PCDH15: variants seen among roughly 807,000 people sequenced by gnomAD.
The protein encoded by PCDH15 is protocadherin related 15.
A neutral mutation model predicts 178.5 loss-of-function variants in PCDH15; 129 were observed. That is an observed-to-expected ratio of 0.72 (90% CI 0.63 to 0.84). PCDH15 has a LOEUF of 0.84. Ranked by LOEUF, PCDH15 falls within the 40% of genes least tolerant of loss-of-function variation. PCDH15 has a pLI of 0.00. For synonymous variants in PCDH15, 800 were observed against 732.0 expected (o/e 1.09, Z -1.50); for missense variants, 2,230 against 2,099.9 (o/e 1.06, Z -1.21).
intron 1 of PCDH15, among the ~76,000 whole-genome samples, chr10:55,235,077 G>A (rs1369826584): frequency 8.7e-5 from 11 of 126,300 alleles, no homozygotes; most frequent in African/African-American, 1.2e-4. Context: ...GTTTTAAGTC[G>A]GAAAGAAGTG....
At chr10:54,247,935 A>AATATATATATAT (rs147562225) in intron 8 of PCDH15, among the ~76,000 whole-genome samples, 39 of 139,396 alleles carry the variant, frequency 2.8e-4, no homozygotes, top group African/African-American at 9.2e-4. Flanking sequence ...TGCATGAAAG[A>AATATATATATAT]ATATATATAT....
At chr10:54,817,952 C>T (rs978507475) in intron 3 of PCDH15, among the ~76,000 whole-genome samples, 1 of 151,876 alleles carries the variant, frequency 6.6e-6, no homozygotes, top group African/African-American at 2.4e-5. Context: ...GCCTAAATAC[C>T]TCAGAGGGCA....
chr10:55,429,328 A>G (rs901410850), intron 2 of PCDH15, among the ~76,000 whole-genome samples: 8 of 152,100 alleles, frequency 5.3e-5, no homozygotes, highest in African/African-American at 1.9e-4. Flanking sequence ...TGTTTTTGAA[A>G]GATATTTTTG....
At chr10:54,267,631 G>A (rs912930646) in intron 8 of PCDH15, among the ~76,000 whole-genome samples, 5 of 151,710 alleles carry the variant, frequency 3.3e-5, no homozygotes, top group African/African-American at 1.2e-4. Flanking sequence ...ACAATGCAAT[G>A]TTCAAACTGA....
chr10:54,099,577 G>C (rs1187476835), intron 15 of PCDH15, among the ~76,000 whole-genome samples: 1 of 140,406 alleles, frequency 7.1e-6, no homozygotes, highest in African/African-American at 2.7e-5. Context: ...AGTTATCAAA[G>C]ATCAATTGTC....
intron 9 of PCDH15, among the ~76,000 whole-genome samples, chr10:54,234,177 C>T (rs1186163330): frequency 3.0e-5 from 3 of 99,672 alleles, no homozygotes; most frequent in Non-Finnish European, 4.4e-5. Context: ...TGTGTGTGTG[C>T]TGTGTCTGGT....
At chr10:55,608,977 G>A (rs927643863) in intron 2 of PCDH15, among the ~76,000 whole-genome samples, 1 of 151,100 alleles carries the variant, frequency 6.6e-6, no homozygotes, top group Admixed American at 6.6e-5. Flanking sequence ...ATCCAAAAGC[G>A]ATTGTCTATG....
At chr10:54,538,755 C>T (rs984448855) in intron 2 of PCDH15, among the ~76,000 whole-genome samples, 9 of 152,162 alleles carry the variant, frequency 5.9e-5, no homozygotes, top group African/African-American at 2.2e-4. Context: ...TCATTCTCTT[C>T]CTCCTACTTT....
intron 2 of PCDH15, among the ~76,000 whole-genome samples, chr10:54,944,127 C>A (rs1838131274): frequency 6.6e-6 from 1 of 151,888 alleles, no homozygotes; most frequent in South Asian, 2.1e-4. Context: ...AAGTGGGTGG[C>A]TGACAACAAA....
chr10:54,598,261 A>G lies in PCDH15; in HGVS notation c.91+65911T>C, dbSNP rs140654436. On this transcript the variant is annotated intron_variant, in intron 2 of 37. Coordinates refer to ENST00000644397, the MANE Select transcript of PCDH15 (RefSeq NM_001384140.1). ...ATACTACCCAGCTGAATCCAGCACT[A>G]TATCACGAATCCACCACAATCAATA... 3.1e-3 allele frequency among the ~76,000 whole-genome samples: 466 copies of G among 152,212 alleles called. 4 individuals carry two copies. The highest frequency in any genetic ancestry group is 0.011 in the African/African-American group (441 of 41,570).
Position 54,954,450 on chromosome 10 carries a change from T to G in PCDH15, c.-79-56950A>C, listed in dbSNP as rs184073956. 9.2e-5 allele frequency among the ~76,000 whole-genome samples: 14 copies of G among 151,428 alleles called. No homozygotes were observed. The East Asian group carries it at 2.5e-3, about 27-fold the overall frequency. On this transcript the variant is annotated intron_variant, in intron 2 of 5. Transcript: ENST00000458638. ...ATGTAATTTTCTCGTATTCCCTTCTTACGCTCTTCTTAAAAGATTGTCTTG... is the reference window on the plus strand; with the variant it reads ...ATGTAATTTTCTCGTATTCCCTTCTGACGCTCTTCTTAAAAGATTGTCTTG...
intron 3 of PCDH15, among the ~76,000 whole-genome samples, chr10:54,449,361 A>C (rs1409924441): frequency 2.0e-5 from 3 of 151,826 alleles, no homozygotes; most frequent in African/African-American, 7.2e-5. Flanking sequence ...CACCAAATAA[A>C]GTAAAAACAA....
chr10:54,294,053 G>T (rs1402458649), intron 8 of PCDH15, among the ~76,000 whole-genome samples: 1 of 152,142 alleles, frequency 6.6e-6, no homozygotes, highest in Non-Finnish European at 1.5e-5. Context: ...CAGTAGCAAA[G>T]ACTTGGAACC....
intron 1 of PCDH15, among the ~76,000 whole-genome samples, chr10:54,787,650 G>GA: frequency 6.6e-6 from 1 of 151,916 alleles, no homozygotes; most frequent in Non-Finnish European, 1.5e-5. Flanking sequence ...TCATGGGGCA[G>GA]AAAAACATTC....
At chr10:54,474,006 CT>C (rs1357704647) in intron 3 of PCDH15, among the ~76,000 whole-genome samples, 1 of 151,708 alleles carries the variant, frequency 6.6e-6, no homozygotes, top group Non-Finnish European at 1.5e-5. Flanking sequence ...ACATATACAT[CT>C]TTTAAACAAT....
chr10:54,025,428 G>A (rs11004008), intron 18 of PCDH15, among the ~76,000 whole-genome samples: 61,720 of 151,696 alleles, frequency 0.41, 14,080 homozygotes, highest in Middle Eastern at 0.65. Context: ...CTTCCTTGAT[G>A]GTTGTCATGT....
intron 2 of PCDH15, among the ~76,000 whole-genome samples, chr10:54,597,309 C>A (rs1442927109): frequency 6.6e-6 from 1 of 152,060 alleles, no homozygotes; most frequent in Non-Finnish European, 1.5e-5. Context: ...CAAAACCATA[C>A]AATCACATGG....
chr10:55,622,235 T>A (rs1837422280), intron 2 of PCDH15, among the ~76,000 whole-genome samples: 1 of 148,280 alleles, frequency 6.7e-6, no homozygotes, highest in Non-Finnish European at 1.5e-5. Flanking sequence ...GGTCTTAAAC[T>A]CTAGCTCAAG....
chr10:54,933,976 G>A (rs1837844305), intron 2 of PCDH15, among the ~76,000 whole-genome samples: 1 of 152,066 alleles, frequency 6.6e-6, no homozygotes, highest in Admixed American at 6.6e-5. Context: ...TCTTGCTTCG[G>A]TGTACCCTGA....
Sources: gnomAD v4.1 joint callset for allele counts (sites outside exome capture counted in the v4.1 genomes callset) on GRCh38, gnomAD v4.1.1 for gene constraint, MANE v1.5 for transcripts, NCBI Gene and HGNC (gene_info 2026-07-23, HGNC 2026-07-21) for gene names.